The following HSF2BP variants were observed in gnomAD, a reference collection of about 807,000 sequenced individuals.
HSF2BP encodes the protein heat shock factor 2-binding protein.
In HSF2BP, 35 loss-of-function variants were observed where a neutral mutation model predicts 35.0. The ratio of observed to expected loss-of-function variants is 1.00; its 90% CI spans 0.76 to 1.32. HSF2BP has a LOEUF of 1.32. HSF2BP is among the 40% of genes most tolerant of loss of function. The pLI is 0.00. For missense variants in HSF2BP, 326 were observed against 321.7 expected, an observed-to-expected ratio of 1.01 and a Z score of -0.10; for synonymous variants, 114 against 117.4, an observed-to-expected ratio of 0.97 and a Z score of 0.18.
the HSF2BP span, among the ~76,000 whole-genome samples, chr21:43,505,970 C>T: frequency 7.6e-6 from 1 of 130,852 alleles, no homozygotes. Context: ...ACTTTCAGAT[C>T]GTACCAACCC....
intron 3 of HSF2BP, among the ~76,000 whole-genome samples, chr21:43,647,547 T>C (rs2147096576): frequency 6.6e-6 from 1 of 152,178 alleles, no homozygotes; most frequent in Non-Finnish European, 1.5e-5. Flanking sequence ...CCTTTCTTAA[T>C]ACAGGTCTAA....
chr21:43,636,696 A>C (rs1337104869), intron 4 of HSF2BP, among the ~76,000 whole-genome samples: 1 of 152,136 alleles, frequency 6.6e-6, no homozygotes, highest in African/African-American at 2.4e-5. Context: ...GTTTAGGACC[A>C]GTCTGGCCAA....
intron 3 of HSF2BP, among the ~76,000 whole-genome samples, chr21:43,645,878 G>C (rs1392902044): frequency 6.6e-6 from 1 of 151,964 alleles, no homozygotes; most frequent in East Asian, 1.9e-4. Context: ...AAGCTCTAAA[G>C]GAAATGTTAA....
At chr21:43,625,900 C>G (rs1030258959) in intron 6 of HSF2BP, among the ~76,000 whole-genome samples, 9 of 152,220 alleles carry the variant, frequency 5.9e-5, no homozygotes, top group Non-Finnish European at 1.2e-4. Flanking sequence ...GCCTCACCAG[C>G]ATGTCAGCCA....
chr21:43,592,292 A>G lies in HSF2BP; in HGVS notation c.729T>C (p.Asn243=), dbSNP rs769373978. The G allele has an allele frequency of 5.0e-6, 8 of 1,613,792 alleles. No individual in the cohort carries two copies. Among genetic ancestry groups the G allele is most frequent in the Non-Finnish European group, 5.1e-6 (6 of 1,179,696 alleles). Residue 243 remains asparagine (N), a synonymous_variant, in exon 8 of 9, where the codon AAT becomes AAC. Transcript: ENST00000291560. Reference sequence around the variant, plus strand: ...CGCTGATGTATTTCAAGCCTTTCAAATTGATGCTTACATTGTATAGGGACA... The same window carrying G: ...CGCTGATGTATTTCAAGCCTTTCAAGTTGATGCTTACATTGTATAGGGACA... ...MLMSLYNVSI[N]LKGLKYISES...
rs750869704 is a variant in HSF2BP, at chr21:43,644,292, C to A, written c.288G>T (p.Lys96Asn). ...ETVQADNIRE[K>N]KEKLALRQQL... is the part of the protein sequence containing the mutation. ...AGTCTGTCCCTGAGCATGGTACCTT[C>A]TTCTCTCTTATGTTGTCGGCCTGCA... Residue 96 changes from lysine to asparagine, a missense_variant, in exon 4 of 9, where the codon AAG becomes AAT. Coordinates refer to ENST00000291560, the MANE Select transcript of HSF2BP (RefSeq NM_007031.2). 3.7e-6 allele frequency: 6 copies of A among 1,613,008 alleles called. No homozygotes were observed. Among genetic ancestry groups the A allele is most frequent in the Non-Finnish European group, 5.1e-6 (6 of 1,178,936 alleles).
rs779739346 is a variant in HSF2BP at position 43,656,658 on chromosome 21, C to T, written c.116G>A (p.Arg39Gln). The change falls in exon 3 of 9, where the codon CGG becomes CAG. Residue 39 changes from arginine to glutamine, a missense_variant. Physicochemically the swap from Arg to Gln is conservative, Grantham distance 43. Coordinates refer to ENST00000291560, the MANE Select transcript of HSF2BP (RefSeq NM_007031.2). The part of the protein sequence containing the change: ...ERLTTEVMQI[R>Q]DFLPRILNGE... The stretch of plus-strand genomic sequence containing the variant: ...ATTTAGTATTCTGGGTAAGAAGTCC[C>T]GTATTTGCATCACTTCAGTTGTCAG... The T allele has an allele frequency of 9.9e-6, 16 of 1,613,744 alleles. No individual in the cohort carries two copies. The highest frequency in any genetic ancestry group is 4.0e-5 in the African/African-American group (3 of 74,914).
the HSF2BP span, among the ~76,000 whole-genome samples, chr21:43,467,890 A>G: frequency 8.5e-6 from 1 of 117,376 alleles, no homozygotes; most frequent in Non-Finnish European, 1.8e-5. Context: ...CACACACACC[A>G]CACACCACAC....
At position 43,592,249 on chromosome 21, in the gene HSF2BP, G is replaced by A; in HGVS notation, c.772C>T (p.Pro258Ser). 8.1e-6 allele frequency: 13 copies of A among 1,613,508 alleles called. No individual in the cohort carries two copies. The highest frequency in any genetic ancestry group is 1.1e-5 in the Non-Finnish European group (13 of 1,179,560). Reference sequence around the variant, plus strand: ...CCACTCAAAAGCCACCACAGCAAAGGGATGAATCCTGGACTCTCGCTGATG... The same window carrying A: ...CCACTCAAAAGCCACCACAGCAAAGAGATGAATCCTGGACTCTCGCTGATG... Reference protein sequence around the residue: ...KYISESPGFIPLLWWLLSDPD... With the variant: ...KYISESPGFISLLWWLLSDPD... Residue 258 changes from proline (P) to serine (S), a missense_variant, in exon 8 of 9, where the codon CCT becomes TCT. Physicochemically the swap from Pro to Ser is moderately conservative, Grantham distance 74. Transcript: ENST00000291560.
At chr21:43,594,580 G>T (rs1037606243) in intron 7 of HSF2BP, among the ~76,000 whole-genome samples, 2 of 152,006 alleles carry the variant, frequency 1.3e-5, no homozygotes, top group Non-Finnish European at 2.9e-5. Context: ...GACACTAGAA[G>T]AATAAAATGA....
intron 6 of HSF2BP, among the ~76,000 whole-genome samples, chr21:43,620,423 C>T (rs1442984232): frequency 6.6e-6 from 1 of 152,168 alleles, no homozygotes; most frequent in Non-Finnish European, 1.5e-5. Flanking sequence ...AACTGCTGGG[C>T]ACAGTGGCTC....
intron 7 of HSF2BP, among the ~76,000 whole-genome samples, chr21:43,610,708 C>G (rs1219640113): frequency 6.6e-6 from 1 of 152,158 alleles, no homozygotes; most frequent in Non-Finnish European, 1.5e-5. Flanking sequence ...GTGGGAAACA[C>G]GAACACTGAC....
At position 43,658,505 on chromosome 21, in the gene HSF2BP, G is replaced by A. The variant is rs568164865; in HGVS notation, c.-224-185C>T. The stretch of plus-strand genomic sequence containing the variant: ...GGATTCAGGCGCTTTTACGTTAAGG[G>A]TTGAATTTTTGTGTCAACAGGCACC... On this transcript the variant is annotated intron_variant, in intron 1 of 8. Transcript: ENST00000291560. Among the ~76,000 whole-genome samples, 59 of 152,350 alleles carry A rather than the reference G, an allele frequency of 3.9e-4. No homozygotes were observed. The East Asian group carries it at 5.2e-3, about 13-fold the overall frequency.
intron 7 of HSF2BP, among the ~76,000 whole-genome samples, chr21:43,604,296 CACACACCAT>C (rs1448174273): frequency 4.8e-5 from 7 of 146,462 alleles, no homozygotes; most frequent in African/African-American, 1.0e-4. Flanking sequence ...ACACACACCA[CACACACCAT>C]GCACAAACCA....
At chr21:43,644,543 A>G (rs1379874447) in intron 3 of HSF2BP, 151 bp from the exon 4 acceptor site, 1 of 620,204 alleles carries the variant, frequency 1.6e-6, no homozygotes, top group Non-Finnish European at 2.9e-6. Context: ...GTCCTTGAAT[A>G]ACCAATATTC....
At chr21:43,594,310 G>T (rs1668172190) in intron 7 of HSF2BP, among the ~76,000 whole-genome samples, 1 of 152,126 alleles carries the variant, frequency 6.6e-6, no homozygotes, top group Non-Finnish European at 1.5e-5. Flanking sequence ...TAAGTAAAGG[G>T]ATGTGAGTGT....
chr21:43,629,569 G>T (rs974500296), intron 6 of HSF2BP, among the ~76,000 whole-genome samples: 1 of 152,132 alleles, frequency 6.6e-6, no homozygotes, highest in African/African-American at 2.4e-5. Flanking sequence ...ATGATTCATG[G>T]GAGGAGGTCA....
intron 6 of HSF2BP, among the ~76,000 whole-genome samples, chr21:43,614,855 T>C (rs1185799286): frequency 6.6e-6 from 1 of 152,218 alleles, no homozygotes; most frequent in Non-Finnish European, 1.5e-5. Context: ...TAATAACTTT[T>C]AGCCATGATA....
At position 43,594,295 on chromosome 21, in the gene HSF2BP, G is replaced by A. The variant is rs1011807391; in HGVS notation, c.693-1967C>T. Among the ~76,000 whole-genome samples, 3 of 152,160 alleles carry A rather than the reference G, an allele frequency of 2.0e-5. No homozygotes were observed. The South Asian group carries it at 6.2e-4, about 32-fold the overall frequency. ...GGAAGAATGTTCTGAGATACAAGGA[G>A]GGAGTAAGTAAAGGGATGTGAGTGT... is the stretch of plus-strand genomic sequence containing the variant. On this transcript the variant is annotated intron_variant, in intron 7 of 8. Transcript: ENST00000291560.
Sources: allele counts gnomAD v4.1 joint callset (sites outside exome capture counted in the v4.1 genomes callset), GRCh38; gene constraint gnomAD v4.1.1; transcripts MANE v1.5; gene names NCBI Gene and HGNC (gene_info 2026-07-23, HGNC 2026-07-21).